TMTC2: variants seen among roughly 807,000 people sequenced by gnomAD.
The protein encoded by TMTC2 is transmembrane O-mannosyltransferase targeting cadherins 2.
A neutral mutation model predicts 82.4 loss-of-function variants in TMTC2; 43 were observed. The ratio of observed to expected loss-of-function variants is 0.52; its 90% CI spans 0.41 to 0.67. TMTC2 has a LOEUF of 0.67. Ranked by LOEUF, TMTC2 falls within the 30% of genes least tolerant of loss-of-function variation. TMTC2 has a pLI of 0.00. For missense variants in TMTC2, 919 were observed against 1,012.4 expected (o/e 0.91, Z 1.25); for synonymous variants, 408 against 381.9 (o/e 1.07, Z -0.80).
At chr12:82,877,455 A>C (rs915786064) in intron 2 of TMTC2, among the ~76,000 whole-genome samples, 4 of 152,204 alleles carry the variant, frequency 2.6e-5, no homozygotes, top group African/African-American at 9.6e-5. Flanking sequence ...AGTGAAGTAG[A>C]TATTTTAAGA....
At chr12:82,796,538 C>G (rs1432424710) in intron 1 of TMTC2, among the ~76,000 whole-genome samples, 1 of 152,210 alleles carries the variant, frequency 6.6e-6, no homozygotes, top group East Asian at 1.9e-4. Flanking sequence ...ATAACTTTAG[C>G]CTATTCCAGC....
chr12:82,883,429 T>C lies in TMTC2; in HGVS notation c.655-12389T>C, dbSNP rs548579697. ...ATCTTCTTTTTCTTGCTGGTGTCTT[T>C]TGTGTTTTCATAGAAAAACTCCCAC... On this transcript the variant is annotated intron_variant, in intron 2 of 11. Transcript: ENST00000321196. Among the ~76,000 whole-genome samples the C allele has an allele frequency of 3.9e-5, 6 of 152,298 alleles. No homozygotes were observed. In the South Asian group the frequency reaches 1.2e-3, roughly 32 times the overall value.
At chr12:82,736,986 T>C (rs1875160381) in intron 1 of TMTC2, among the ~76,000 whole-genome samples, 1 of 152,070 alleles carries the variant, frequency 6.6e-6, no homozygotes, top group Non-Finnish European at 1.5e-5. Context: ...CATTCTTAAA[T>C]CACATAAAAT....
intron 8 of TMTC2, among the ~76,000 whole-genome samples, chr12:83,005,080 T>G (rs1042699525): frequency 4.6e-5 from 7 of 151,824 alleles, no homozygotes; most frequent in African/African-American, 1.7e-4. Flanking sequence ...GGTGTGCGCC[T>G]GTAATCCCAG....
intron 8 of TMTC2, among the ~76,000 whole-genome samples, chr12:83,015,349 C>A (rs1323714874): frequency 1.6e-4 from 25 of 152,132 alleles, no homozygotes; most frequent in Admixed American, 1.6e-3. Flanking sequence ...ATCCTATATA[C>A]CTTTGAATTG....
intron 1 of TMTC2, among the ~76,000 whole-genome samples, chr12:82,767,439 T>C (rs984563757): frequency 2.2e-4 from 33 of 152,082 alleles, no homozygotes; most frequent in African/African-American, 8.0e-4. Context: ...AAAATAAAAT[T>C]AGCTGGGCGT....
chr12:83,005,876 G>A (rs1054083793), intron 8 of TMTC2, among the ~76,000 whole-genome samples: 2 of 152,208 alleles, frequency 1.3e-5, no homozygotes, highest in Non-Finnish European at 1.5e-5. Context: ...AGACAGCCCT[G>A]TTCTCTCCCA....
At chr12:83,046,825 C>T (rs1565867949) in intron 9 of TMTC2, among the ~76,000 whole-genome samples, 1 of 152,146 alleles carries the variant, frequency 6.6e-6, no homozygotes, top group Non-Finnish European at 1.5e-5. Context: ...GCCACATGTA[C>T]TAAAAGTGGG....
intron 1 of TMTC2, among the ~76,000 whole-genome samples, chr12:82,804,619 A>G (rs1419702668): frequency 1.3e-5 from 2 of 152,094 alleles, no homozygotes; most frequent in African/African-American, 4.8e-5. Flanking sequence ...AGGGCTTTCT[A>G]CAAAAGCCTC....
At chr12:82,859,855 G>A (rs1871447549) in intron 2 of TMTC2, among the ~76,000 whole-genome samples, 1 of 152,148 alleles carries the variant, frequency 6.6e-6, no homozygotes, top group Non-Finnish European at 1.5e-5. Flanking sequence ...AGTGGTCGGG[G>A]GCAGCAAGAC....
chr12:83,003,035 C>T (rs1246059391), intron 8 of TMTC2, among the ~76,000 whole-genome samples: 2 of 152,092 alleles, frequency 1.3e-5, no homozygotes, highest in Non-Finnish European at 1.5e-5. Flanking sequence ...TCCCACTATA[C>T]TATATGGCTG....
chr12:82,977,406 T>C (rs189292684), intron 7 of TMTC2, among the ~76,000 whole-genome samples: 115 of 151,848 alleles, frequency 7.6e-4, no homozygotes, highest in African/African-American at 2.7e-3. Context: ...ACCAGACCAA[T>C]AGGACAAAGT....
intron 1 of TMTC2, among the ~76,000 whole-genome samples, chr12:82,717,893 T>C (rs1873972145): frequency 6.6e-6 from 1 of 152,208 alleles, no homozygotes; most frequent in South Asian, 2.1e-4. Flanking sequence ...GGAAATTTTA[T>C]TCCCTGACTC....
chr12:82,831,982 G>T (rs550558345), intron 1 of TMTC2, among the ~76,000 whole-genome samples: 2 of 152,102 alleles, frequency 1.3e-5, no homozygotes, highest in Non-Finnish European at 2.9e-5. Context: ...GCATTATGTC[G>T]CTGACTAAAA....
At chr12:83,048,284 G>A (rs144762931) in intron 9 of TMTC2, among the ~76,000 whole-genome samples, 2 of 152,080 alleles carry the variant, frequency 1.3e-5, no homozygotes, top group South Asian at 2.1e-4. Flanking sequence ...TTATTTTACT[G>A]TTATATAAAA....
In TMTC2 at chr12:82,687,308, G is replaced by A; in HGVS notation, c.-279G>A. On this transcript the variant is annotated 5_prime_UTR_variant, in exon 1 of 12. Transcript: ENST00000321196. ...GACCAGCCCTGCGCTTCCGCCGGGGGACGCGGAGCCCAAACGCCGCTCACC... is the reference window on the plus strand; with the variant it reads ...GACCAGCCCTGCGCTTCCGCCGGGGAACGCGGAGCCCAAACGCCGCTCACC... 1 of 518,154 alleles carries A rather than the reference G, an allele frequency of 1.9e-6. No homozygotes were observed. Among genetic ancestry groups the A allele is most frequent in the South Asian group, 2.1e-5 (1 of 47,220 alleles). 32.1% of individuals were successfully genotyped at this position (518,154 alleles called of 1,614,324 possible).
chr12:82,694,214 A>G (rs370279575), intron 1 of TMTC2, among the ~76,000 whole-genome samples: 1 of 151,322 alleles, frequency 6.6e-6, no homozygotes, highest in Non-Finnish European at 1.5e-5. Flanking sequence ...TTATTTAAGG[A>G]CATTTCATAA....
At chr12:82,717,894 T>G (rs12578600) in intron 1 of TMTC2, among the ~76,000 whole-genome samples, 6,336 of 152,228 alleles carry the variant, frequency 0.042, 252 homozygotes, top group East Asian at 0.12. Flanking sequence ...GAAATTTTAT[T>G]CCCTGACTCA....
intron 9 of TMTC2, among the ~76,000 whole-genome samples, chr12:83,050,056 C>T (rs1400618877): frequency 6.6e-6 from 1 of 152,076 alleles, no homozygotes; most frequent in Non-Finnish European, 1.5e-5. Context: ...GAACTTTAAA[C>T]AAACATGAAA....
Sources: gnomAD v4.1 joint callset for allele counts (sites outside exome capture counted in the v4.1 genomes callset) on GRCh38, gnomAD v4.1.1 for gene constraint, MANE v1.5 for transcripts, NCBI Gene and HGNC (gene_info 2026-07-23, HGNC 2026-07-21) for gene names.